CMTR1: variants seen among roughly 807,000 people sequenced by gnomAD.
CMTR1 encodes cap methyltransferase 1, also known as cap-specific mRNA (nucleoside-2'-O-)-methyltransferase 1.
In CMTR1, 39 loss-of-function variants were observed where a neutral mutation model predicts 107.0. That is an observed-to-expected ratio of 0.36 (90% confidence interval 0.28 to 0.48). The LOEUF (loss-of-function observed/expected upper bound fraction) is 0.48, where lower values mean the gene tolerates loss of function less well. Among genes scored for constraint, CMTR1 ranks in the 20% least tolerant of loss-of-function variants. The pLI, the probability that CMTR1 is intolerant of heterozygous loss-of-function variation, is 0.99. For synonymous variants in CMTR1, 366 were observed against 379.5 expected (o/e 0.96, Z 0.41); for missense variants, 672 against 1,064.9 (o/e 0.63, Z 5.14).
rs1320399204 is a variant in CMTR1 at position 37,451,869 on chromosome 6, C to T, written c.601C>T (p.Gln201Ter). The T allele has an allele frequency of 2.5e-6, 4 of 1,612,190 alleles. No individual in the cohort carries two copies. The highest frequency in any genetic ancestry group is 2.5e-6 in the Non-Finnish European group (3 of 1,179,080). The change falls in exon 6 of 24, where the codon CAG becomes TAG. Residue 201 changes from glutamine (Q) to a stop codon, truncating the protein, a stop_gained. Coordinates refer to ENST00000373451, the MANE Select transcript of CMTR1 (RefSeq NM_015050.3). LOFTEE classifies it high-confidence loss of function. ...CGEELLHSVL[Q>*]CKSVFDVLDG... ...GGAAGAGCTGCTTCACAGTGTGTTG[C>T]AGTGTAAGGTAAGGTCTTGTGGCTA...
chr6:37,425,148 TG>T, the CMTR1 span, among the ~76,000 whole-genome samples: 1 of 151,798 alleles, frequency 6.6e-6, no homozygotes, highest in Non-Finnish European at 1.5e-5. Flanking sequence ...TTCACCATGT[TG>T]GCCAGGCTGG....
intron 3 of CMTR1, 98 bp from the exon 4 acceptor site, chr6:37,446,193 A>AT: frequency 1.5e-6 from 2 of 1,300,648 alleles, no homozygotes; most frequent in South Asian, 2.8e-5. Flanking sequence ...TTAATCATCT[A>AT]TTTTTCTTAG....
upstream of CMTR1, among the ~76,000 whole-genome samples, chr6:37,430,826 A>G (rs1771352186): frequency 6.6e-6 from 1 of 152,086 alleles, no homozygotes; most frequent in Non-Finnish European, 1.5e-5. Context: ...CATCCTGGCT[A>G]ACACGGTGAA....
At chr6:37,459,837 T>G (rs1761365385) in intron 10 of CMTR1, among the ~76,000 whole-genome samples, 153 bp downstream of exon 10, 1 of 152,264 alleles carries the variant, frequency 6.6e-6, no homozygotes, top group Non-Finnish European at 1.5e-5. Flanking sequence ...TTTTTATACA[T>G]TTTTTAAATG....
At chr6:37,443,260 A>G (rs1465099998) in intron 2 of CMTR1, among the ~76,000 whole-genome samples, 1 of 152,234 alleles carries the variant, frequency 6.6e-6, no homozygotes, top group East Asian at 1.9e-4. Context: ...GGAATCAGGC[A>G]TCAGTGTTTG....
Position 37,443,983 on chromosome 6 carries a change from C to T in CMTR1, c.134-16C>T. On this transcript the variant is annotated splice_polypyrimidine_tract_variant and intron_variant, in intron 2 of 23. Coordinates refer to ENST00000373451, the MANE Select transcript of CMTR1 (RefSeq NM_015050.3). ...TGCCATAAACCTACCTAAACATTTT[C>T]CTTTTTCTTTTTCAGCATCTACTAC... is the stretch of plus-strand genomic sequence containing the variant. 1 of 1,610,590 alleles carries T rather than the reference C, an allele frequency of 6.2e-7. No individual in the cohort carries two copies. The highest frequency in any genetic ancestry group is 8.5e-7 in the Non-Finnish European group (1 of 1,179,092).
chr6:37,425,693 T>C, the CMTR1 span, among the ~76,000 whole-genome samples: 2 of 152,210 alleles, frequency 1.3e-5, no homozygotes, highest in Admixed American at 1.3e-4. Flanking sequence ...TGAAGATTGC[T>C]TCTTTCTTGC....
At chr6:37,430,428 G>A (rs1771346727), upstream of CMTR1, among the ~76,000 whole-genome samples, 1 of 151,818 alleles carries the variant, frequency 6.6e-6, no homozygotes, top group Admixed American at 6.6e-5. Flanking sequence ...ATATATAAGA[G>A]ATAAGTCATT....
At chr6:37,454,558 T>C (rs1761251111) in intron 8 of CMTR1, among the ~76,000 whole-genome samples, 1 of 152,240 alleles carries the variant, frequency 6.6e-6, no homozygotes, top group Non-Finnish European at 1.5e-5. Flanking sequence ...TTTTTTGGCT[T>C]TTGTATACAA....
chr6:37,435,225 T>A (rs1771501392), intron 1 of CMTR1, among the ~76,000 whole-genome samples: 1 of 152,202 alleles, frequency 6.6e-6, no homozygotes. Context: ...GAATATTGGT[T>A]AATATTTATT....
chr6:37,460,441 A>G lies in CMTR1; in HGVS notation c.1095+757A>G, dbSNP rs2253392. Among the ~76,000 whole-genome samples the G allele has an allele frequency of 9.8e-3, 1,479 of 151,666 alleles. 23 individuals are homozygous for G. Among genetic ancestry groups the G allele is most frequent in the African/African-American group, 0.035 (1,429 of 41,336 alleles). On this transcript the variant is annotated intron_variant, in intron 10 of 23. Coordinates refer to ENST00000373451, the MANE Select transcript of CMTR1 (RefSeq NM_015050.3). ...ATGTGGGAGTCTGATAGCGCTAATG[A>G]GGCAGCTGTTGCTGTGCGGCAGCTA...
At chr6:37,435,479 GGAAGA>G in intron 1 of CMTR1, 140 bp from the exon 2 acceptor site, 1 of 797,074 alleles carries the variant, frequency 1.3e-6, no homozygotes, top group Non-Finnish European at 1.9e-6. Context: ...CTCATTCTGA[GGAAGA>G]GGCTATTCAA....
chr6:37,473,676 C>A, intron 17 of CMTR1, 75 bp downstream of exon 17: 1 of 1,526,302 alleles, frequency 6.6e-7, no homozygotes, highest in South Asian at 1.2e-5. Flanking sequence ...CAGCTGCCTG[C>A]CACACTTGGT....
At chr6:37,455,282 C>T (rs1761268341) in intron 8 of CMTR1, among the ~76,000 whole-genome samples, 1 of 152,120 alleles carries the variant, frequency 6.6e-6, no homozygotes. Context: ...GGGGTTTCTC[C>T]ACGTCAGGCT....
Position 37,446,275 on chromosome 6 carries a change from T to TA in CMTR1, c.286-15dup, listed in dbSNP as rs1219309425. ...TTGAACCTAATTAATTGTGCTCCAC[T>TA]ACTTCTCTTTTTCAGGCCAAGATGG... On this transcript the variant is annotated splice_polypyrimidine_tract_variant and intron_variant, in intron 3 of 23. Transcript: ENST00000373451. 1 of 1,613,730 alleles carries TA rather than the reference T, an allele frequency of 6.2e-7. No individual in the cohort carries two copies. Among genetic ancestry groups the TA allele is most frequent in the African/African-American group, 1.3e-5 (1 of 74,928 alleles).
At position 37,444,036 on chromosome 6, in the gene CMTR1, C is replaced by T. The variant is rs766178944; in HGVS notation, c.171C>T (p.Thr57=). 1.3e-5 allele frequency: 21 copies of T among 1,613,866 alleles called. No homozygotes were observed. The highest frequency in any genetic ancestry group is 1.6e-4 in the Middle Eastern group (1 of 6,084). ...GCCTTAGTGGGTCTGATAGTGAGAC[C>T]GAGGGGAAACAACACAGCTCTGACT... ...TTSLSGSDSE[T]EGKQHSSDSF... The change falls in exon 3 of 24, where the codon ACC becomes ACT. Residue 57 remains threonine, a synonymous_variant. Transcript: ENST00000373451.
At chr6:37,478,298 A>T in intron 21 of CMTR1, 111 bp from the exon 22 acceptor site, 1 of 853,514 alleles carries the variant, frequency 1.2e-6, no homozygotes. Context: ...GTTTCATCTT[A>T]AGTCAAACCA....
chr6:37,470,779 G>A (rs900391444), intron 13 of CMTR1, among the ~76,000 whole-genome samples: 1 of 152,194 alleles, frequency 6.6e-6, no homozygotes, highest in African/African-American at 2.4e-5. Context: ...GGGATTAGAA[G>A]CTTCCTTTTA....
rs138469754 is a variant in CMTR1, at chr6:37,458,825, G to C, written c.976+15G>C. 4,026 of 1,613,012 alleles carry C rather than the reference G, an allele frequency of 2.5e-3. 8 individuals are homozygous for C. The highest frequency in any genetic ancestry group is 7.5e-3 in the African/African-American group (563 of 75,012). On this transcript the variant is annotated intron_variant, in intron 9 of 23. Transcript: ENST00000373451. The surrounding 1 kb of genome is among the most constrained non-coding windows in gnomAD (Gnocchi z 4.7). Reference sequence around the variant, plus strand: ...ACCCTACTATGGTAGGGACATTGAGGAGGGTACTAGGAGGTATGAGGGACA... The same window carrying C: ...ACCCTACTATGGTAGGGACATTGAGCAGGGTACTAGGAGGTATGAGGGACA...
Sources: allele counts gnomAD v4.1 joint callset (sites outside exome capture counted in the v4.1 genomes callset), GRCh38; gene constraint gnomAD v4.1.1; non-coding constraint Gnocchi (gnomAD v3.1); transcripts MANE v1.5; gene names NCBI Gene and HGNC (gene_info 2026-07-23, HGNC 2026-07-21).